Variants in NBAS observed in about 807,000 individuals in gnomAD.
The protein encoded by NBAS is NAG/BC035112 fusion.
Under a neutral mutation model 302.5 loss-of-function variants are expected in NBAS, and 219 were observed. The observed-to-expected ratio is 0.72, with a 90% confidence interval of 0.65 to 0.81. NBAS has a LOEUF of 0.81. Ranked by LOEUF, NBAS falls within the 30% of genes least tolerant of loss-of-function variation. The pLI, the probability that NBAS is intolerant of heterozygous loss-of-function variation, is 0.00. For synonymous variants in NBAS, 1,118 were observed against 1,021.6 expected, an observed-to-expected ratio of 1.09 and a Z score of -1.80; for missense variants, 2,932 against 2,841.6, an observed-to-expected ratio of 1.03 and a Z score of -0.72.
rs187493490 is a variant in NBAS, at chr2:15,444,345, C to T, written c.2340-16551G>A. On this transcript the variant is annotated intron_variant, in intron 21 of 51. Transcript: ENST00000281513. ...AACAGAACACAGCCCTCAGAAATAA[C>T]GTCGCATATCTACAACTATCTGATC... is the stretch of plus-strand genomic sequence containing the variant. 5.2e-4 allele frequency among the ~76,000 whole-genome samples: 79 copies of T among 152,168 alleles called. 1 individual carries two copies. Among genetic ancestry groups the T allele is most frequent in the African/African-American group, 1.8e-3 (73 of 41,522 alleles).
chr2:14,973,853 A>G, the NBAS span, among the ~76,000 whole-genome samples: 1 of 152,176 alleles, frequency 6.6e-6, no homozygotes. Context: ...CTACTGAATC[A>G]AGCTAAAGTC....
chr2:15,219,980 G>C (rs1402084082), intron 47 of NBAS, among the ~76,000 whole-genome samples: 1 of 150,504 alleles, frequency 6.6e-6, no homozygotes, highest in African/African-American at 2.4e-5. Flanking sequence ...AGGGGCGGCC[G>C]GGCAGAGGCG....
intron 39 of NBAS, 66 bp downstream of exon 39, chr2:15,309,105 G>T: frequency 1.5e-6 from 2 of 1,327,808 alleles, no homozygotes; most frequent in South Asian, 2.6e-5. Context: ...TTTTACCGAT[G>T]AAAATTCACA....
chr2:14,785,150 G>A, the NBAS span, among the ~76,000 whole-genome samples: 6 of 152,294 alleles, frequency 3.9e-5, no homozygotes, highest in East Asian at 9.7e-4. Context: ...GAATGCTTGT[G>A]ATTTTTGTAC....
the NBAS span, among the ~76,000 whole-genome samples, chr2:14,948,158 C>T: frequency 1.3e-5 from 2 of 151,922 alleles, 1 homozygote; most frequent in East Asian, 3.8e-4. Flanking sequence ...GTGATATTGA[C>T]CTGTGGTTTT....
At chr2:15,487,034 T>C (rs1210872390) in intron 12 of NBAS, among the ~76,000 whole-genome samples, 3 of 152,056 alleles carry the variant, frequency 2.0e-5, no homozygotes, top group South Asian at 4.1e-4. Flanking sequence ...GAATATGAAA[T>C]ATTAAGAGTG....
chr2:14,799,245 A>C, the NBAS span, among the ~76,000 whole-genome samples: 1 of 152,044 alleles, frequency 6.6e-6, no homozygotes, highest in Non-Finnish European at 1.5e-5. Flanking sequence ...TATCAATCAC[A>C]AATTTTGACA....
intron 44 of NBAS, among the ~76,000 whole-genome samples, chr2:15,270,506 T>C (rs1205580491): frequency 2.6e-5 from 4 of 152,188 alleles, no homozygotes; most frequent in Non-Finnish European, 5.9e-5. Context: ...GATATAACCT[T>C]CATAAACAAA....
At chr2:15,442,971 A>G (rs1163341244) in intron 21 of NBAS, among the ~76,000 whole-genome samples, 1 of 152,190 alleles carries the variant, frequency 6.6e-6, no homozygotes, top group East Asian at 1.9e-4. Context: ...CGAATCTCTG[A>G]ATAGACCAAT....
the NBAS span, among the ~76,000 whole-genome samples, chr2:15,003,410 T>C: frequency 2.0e-5 from 3 of 152,254 alleles, no homozygotes; most frequent in East Asian, 3.9e-4. Context: ...TGGTTCTAGG[T>C]ACTGTGAACA....
At chr2:15,462,575 T>C (rs957240341) in intron 19 of NBAS, among the ~76,000 whole-genome samples, 11 of 150,282 alleles carry the variant, frequency 7.3e-5, no homozygotes, top group African/African-American at 2.7e-4. Context: ...TTGACTGAAT[T>C]AATTTGCTGA....
chr2:15,149,222 TG>T, the NBAS span, among the ~76,000 whole-genome samples: 1 of 152,206 alleles, frequency 6.6e-6, no homozygotes, highest in Non-Finnish European at 1.5e-5. Context: ...AGGATGAGGT[TG>T]TCCCTGCTCC....
rs781220185 is a variant in NBAS, at chr2:15,450,706, TCA to T, written c.2339+10493_2339+10494del. ...TGAAATAATATAAAATTTATATGAC[TCA>T]CACATTTTTGCTAAACTGTTCTTTC... On this transcript the variant is annotated intron_variant, in intron 21 of 51. Transcript: ENST00000281513. Among the ~76,000 whole-genome samples the T allele has an allele frequency of 4.6e-5, 7 of 152,338 alleles. No individual in the cohort carries two copies. In the South Asian group the frequency reaches 8.3e-4, roughly 18 times the overall value.
chr2:15,473,948 C>G, intron 15 of NBAS, 119 bp downstream of exon 15: 1 of 1,203,142 alleles, frequency 8.3e-7, no homozygotes, highest in Non-Finnish European at 1.2e-6. Flanking sequence ...ATATTTTTAA[C>G]ATGTCAATGA....
At chr2:14,874,378 G>A in the NBAS span, among the ~76,000 whole-genome samples, 1 of 151,220 alleles carries the variant, frequency 6.6e-6, no homozygotes, top group African/African-American at 2.4e-5. Context: ...TGTAATCCCA[G>A]CACTTTGGGA....
At chr2:14,787,858 A>T in the NBAS span, among the ~76,000 whole-genome samples, 1 of 152,088 alleles carries the variant, frequency 6.6e-6, no homozygotes, top group Non-Finnish European at 1.5e-5. Flanking sequence ...CCTGAATCTG[A>T]ATGTTGGCCT....
At chr2:15,424,041 C>T (rs910254711) in intron 23 of NBAS, among the ~76,000 whole-genome samples, 36 of 152,088 alleles carry the variant, frequency 2.4e-4, no homozygotes, top group Admixed American at 2.0e-3. Context: ...GTTAAGCCTA[C>T]GAAAAATATA....
Position 15,329,882 on chromosome 2 carries a change from T to C in NBAS, c.4347+716A>G, listed in dbSNP as rs183248932. 5.8e-3 allele frequency among the ~76,000 whole-genome samples: 884 copies of C among 152,352 alleles called. 6 individuals are homozygous for C. Among genetic ancestry groups the C allele is most frequent in the African/African-American group, 0.018 (764 of 41,572 alleles). On this transcript the variant is annotated intron_variant, in intron 36 of 51. Transcript: ENST00000281513. Reference sequence around the variant, plus strand: ...CACCTTGCTTATGTTATCTCTGTCATGCTTGTTATTACCTGCCATTACATT... The same window carrying C: ...CACCTTGCTTATGTTATCTCTGTCACGCTTGTTATTACCTGCCATTACATT...
chr2:15,056,320 CCTT>C, the NBAS span, among the ~76,000 whole-genome samples: 1 of 152,194 alleles, frequency 6.6e-6, no homozygotes, highest in Non-Finnish European at 1.5e-5. Context: ...GGAAGACTGT[CCTT>C]CTCTACAGGA....
Sources: gnomAD v4.1 joint callset for allele counts (sites outside exome capture counted in the v4.1 genomes callset) on GRCh38, gnomAD v4.1.1 for gene constraint, MANE v1.5 for transcripts, NCBI Gene and HGNC (gene_info 2026-07-23, HGNC 2026-07-21) for gene names.